The following CYLD variants were observed in gnomAD, a reference collection of about 807,000 sequenced individuals.
CYLD encodes CYLD lysine 63 deubiquitinase.
CYLD carries 26 observed loss-of-function variants against 104.5 expected under a neutral mutation model. That is an observed-to-expected ratio of 0.25 (90% CI 0.18 to 0.35). The LOEUF (loss-of-function observed/expected upper bound fraction) is 0.35, where lower values mean the gene tolerates loss of function less well. Ranked by LOEUF, CYLD falls within the 10% of genes least tolerant of loss-of-function variation. The pLI is 1.00. For missense variants in CYLD, 703 were observed against 1,136.1 expected (o/e 0.62, Z 5.48); for synonymous variants, 385 against 399.9 (o/e 0.96, Z 0.45).
Position 50,788,883 on chromosome 16 carries a change from T to A in CYLD, c.2108+1031T>A, listed in dbSNP as rs972730800. On this transcript the variant is annotated intron_variant, in intron 14 of 18. Coordinates refer to ENST00000427738, the MANE Select transcript of CYLD (RefSeq NM_001378743.1). ...CAATTTTATTGAGATAGATTTTTTT[T>A]AAAAGACTTATACAGAGCTAAAAGG... Among the ~76,000 whole-genome samples, 4 of 152,196 alleles carry A rather than the reference T, an allele frequency of 2.6e-5. No homozygotes were observed. The East Asian group carries it at 7.7e-4, about 29-fold the overall frequency.
rs994662570 is a variant in CYLD at position 50,800,853 on chromosome 16, A to T, written c.*4345A>T. The T allele has an allele frequency of 8.6e-6, 2 of 233,268 alleles. No individual in the cohort carries two copies. The highest frequency in any genetic ancestry group is 4.4e-5 in the African/African-American group (2 of 45,344). The allele number at this position is 233,268 out of a possible 1,614,324, so 14.4% of individuals were successfully genotyped here. A position where few individuals can be genotyped will look rare whatever the true frequency, so the allele number is the denominator to read the frequency against. Reference sequence around the variant, plus strand: ...GCAATTCTCCATTAATGAAGATAACATTTGAATTCCCCAAAGCAGGTGAGG... The same window carrying T: ...GCAATTCTCCATTAATGAAGATAACTTTTGAATTCCCCAAAGCAGGTGAGG... On this transcript the variant is annotated 3_prime_UTR_variant, in exon 19 of 19. Transcript: ENST00000427738.
At chr16:50,753,143 A>G (rs985440324) in intron 4 of CYLD, among the ~76,000 whole-genome samples, 8 of 152,180 alleles carry the variant, frequency 5.3e-5, no homozygotes, top group Non-Finnish European at 1.2e-4. Context: ...TCTATCTGAT[A>G]CTCATTGGTT....
At position 50,779,928 on chromosome 16, in the gene CYLD, C is replaced by T. The variant is rs1158403846; in HGVS notation, c.1402C>T (p.His468Tyr). The T allele has an allele frequency of 3.7e-6, 6 of 1,614,032 alleles. No homozygotes were observed. Among genetic ancestry groups the T allele is most frequent in the Non-Finnish European group, 5.1e-6 (6 of 1,179,900 alleles). ...CTTGGCCATGCCTCCTGGGAACTCA[C>T]ATGGTCTAGAAGTGGGCTCATTGGC... The part of the protein sequence containing the change: ...PPLAMPPGNS[H>Y]GLEVGSLAEV... The change falls in exon 9 of 19, where the codon CAT becomes TAT. Residue 468 changes from histidine to tyrosine, a missense_variant. This residue lies in a region of CYLD where 183 missense variants were observed against 212.1 expected (regional missense o/e 0.86). Coordinates refer to ENST00000427738, the MANE Select transcript of CYLD (RefSeq NM_001378743.1).
chr16:50,745,362 G>GTTTTTTTTTTTT (rs535675323), intron 2 of CYLD, among the ~76,000 whole-genome samples: 1 of 78,754 alleles, frequency 1.3e-5, no homozygotes, highest in African/African-American at 5.4e-5. Context: ...TTTCCTCTTT[G>GTTTTTTTTTTTT]TTTTTTTTTT....
At chr16:50,781,613 G>A (rs528992438) in intron 10 of CYLD, among the ~76,000 whole-genome samples, 5 of 152,158 alleles carry the variant, frequency 3.3e-5, no homozygotes, top group African/African-American at 9.7e-5. Context: ...TAGGACGTGC[G>A]TTTGGGACTT....
chr16:50,792,454 C>T, intron 15 of CYLD, 143 bp from the exon 16 acceptor site: 1 of 629,828 alleles, frequency 1.6e-6, no homozygotes, highest in South Asian at 1.9e-5. Context: ...GTCCACAGCC[C>T]ATGGTCACGT....
chr16:50,755,088 T>C (rs200995261), intron 5 of CYLD, among the ~76,000 whole-genome samples: 6 of 34,496 alleles, frequency 1.7e-4, no homozygotes, highest in East Asian at 6.4e-4. Context: ...TATACACACA[T>C]ATATACATAC....
chr16:50,761,046 T>G (rs749746493), intron 5 of CYLD, among the ~76,000 whole-genome samples: 17 of 152,344 alleles, frequency 1.1e-4, no homozygotes, highest in Non-Finnish European at 2.2e-4. Flanking sequence ...CTGAGTGATG[T>G]TGAACATTTT....
intron 5 of CYLD, among the ~76,000 whole-genome samples, chr16:50,774,873 T>C (rs1182049808): frequency 6.6e-6 from 1 of 152,234 alleles, no homozygotes; most frequent in African/African-American, 2.4e-5. Context: ...GCTTTTCTCT[T>C]ATTATATCAC....
At chr16:50,779,357 A>G (rs1969991518) in intron 8 of CYLD, among the ~76,000 whole-genome samples, 1 of 152,064 alleles carries the variant, frequency 6.6e-6, no homozygotes, top group African/African-American at 2.4e-5. Flanking sequence ...GGTTTTCGGT[A>G]TCTTTTTGTA....
At chr16:50,748,357 A>G (rs1183288538) in intron 2 of CYLD, among the ~76,000 whole-genome samples, 2 of 152,196 alleles carry the variant, frequency 1.3e-5, no homozygotes, top group Non-Finnish European at 2.9e-5. Context: ...GAATGAGCCT[A>G]CTTCATTGGA....
intron 11 of CYLD, among the ~76,000 whole-genome samples, chr16:50,783,367 G>A (rs1970466436): frequency 6.6e-6 from 1 of 152,072 alleles, no homozygotes; most frequent in Non-Finnish European, 1.5e-5. Flanking sequence ...AGTTAATATG[G>A]GATGTTAACA....
intron 5 of CYLD, among the ~76,000 whole-genome samples, chr16:50,764,798 A>G (rs1027186579): frequency 2.0e-5 from 3 of 152,180 alleles, no homozygotes; most frequent in Admixed American, 6.5e-5. Context: ...CATGGAGACC[A>G]GTGATGCTTC....
intron 7 of CYLD, among the ~76,000 whole-genome samples, chr16:50,776,524 G>A (rs1166724964): frequency 6.6e-6 from 1 of 152,088 alleles, no homozygotes; most frequent in Non-Finnish European, 1.5e-5. Flanking sequence ...TAATCAAATG[G>A]TTTTTGGAAC....
intron 5 of CYLD, among the ~76,000 whole-genome samples, chr16:50,763,799 C>T (rs940170635): frequency 6.6e-5 from 10 of 152,068 alleles, no homozygotes; most frequent in Non-Finnish European, 8.8e-5. Flanking sequence ...TGATGGAAGG[C>T]ATCTTGGCCT....
At chr16:50,764,095 G>A (rs1390310318) in intron 5 of CYLD, among the ~76,000 whole-genome samples, 2 of 152,066 alleles carry the variant, frequency 1.3e-5, no homozygotes, top group African/African-American at 4.8e-5. Flanking sequence ...GCTTGGTCCA[G>A]TTTGCTAGTA....
intron 12 of CYLD, chr16:50,785,405 C>T (rs985084591): frequency 6.6e-6 from 1 of 152,038 alleles, no homozygotes; most frequent in African/African-American, 2.4e-5. Context: ...GAATAAATTT[C>T]CTCACTTATA....
chr16:50,791,753 A>G, intron 15 of CYLD, 63 bp downstream of exon 15: 1 of 1,551,514 alleles, frequency 6.4e-7, no homozygotes, highest in South Asian at 1.1e-5. Flanking sequence ...GACTATTGGT[A>G]GTTTCAGTAT....
intron 5 of CYLD, among the ~76,000 whole-genome samples, chr16:50,757,048 T>A (rs1265247977): frequency 6.6e-6 from 1 of 152,194 alleles, no homozygotes; most frequent in African/African-American, 2.4e-5. Context: ...TCTCTAATTC[T>A]ATAAAAGCTG....
Sources: allele counts gnomAD v4.1 joint callset (sites outside exome capture counted in the v4.1 genomes callset), GRCh38; gene constraint gnomAD v4.1.1; regional missense constraint gnomAD v4.1.1; transcripts MANE v1.5; gene names NCBI Gene and HGNC (gene_info 2026-07-23, HGNC 2026-07-21).